Variants in TNPO3 observed in about 807,000 individuals in gnomAD.
The protein encoded by TNPO3 is transportin 3, also known as transportin-3.
TNPO3 carries 65 observed loss-of-function variants against 122.8 expected under a neutral mutation model. The ratio of observed to expected loss-of-function variants is 0.53; its 90% CI spans 0.43 to 0.65. The LOEUF (loss-of-function observed/expected upper bound fraction) is 0.65. Among genes scored for constraint, TNPO3 ranks in the 30% least tolerant of loss-of-function variants. The pLI is 0.00. For synonymous variants in TNPO3, 372 were observed against 411.2 expected, an observed-to-expected ratio of 0.90 and a Z score of 1.15; for missense variants, 850 against 1,136.7, an observed-to-expected ratio of 0.75 and a Z score of 3.63.
At chr7:128,974,306 T>TA (rs1352707467) in intron 18 of TNPO3, among the ~76,000 whole-genome samples, 3 of 146,398 alleles carry the variant, frequency 2.0e-5, no homozygotes, top group Non-Finnish European at 4.5e-5. Context: ...TTTTTTTTTT[T>TA]AATGCTGATA....
At chr7:129,016,909 A>G in intron 3 of TNPO3, 74 bp downstream of exon 3, 1 of 1,275,538 alleles carries the variant, frequency 7.8e-7, no homozygotes, top group South Asian at 1.2e-5. Context: ...ATATCTAGCT[A>G]TTGCTAACAA....
intron 1 of TNPO3, among the ~76,000 whole-genome samples, chr7:129,036,652 A>G (rs1398889623): frequency 2.0e-5 from 3 of 152,186 alleles, no homozygotes; most frequent in African/African-American, 7.2e-5. Context: ...ACAAGTGGAA[A>G]AGTTTAAGGA....
At chr7:128,992,964 T>G (rs1219414347) in intron 9 of TNPO3, among the ~76,000 whole-genome samples, 4 of 150,792 alleles carry the variant, frequency 2.7e-5, no homozygotes, top group Non-Finnish European at 5.9e-5. Flanking sequence ...TGAGCAGAGG[T>G]CATCTGTCTA....
At chr7:129,050,443 AAAAAG>A (rs963019396) in intron 1 of TNPO3, among the ~76,000 whole-genome samples, 2 of 151,990 alleles carry the variant, frequency 1.3e-5, no homozygotes, top group Admixed American at 6.6e-5. Context: ...CTTAAAACAA[AAAAAG>A]AAAAAAGTTT....
At chr7:129,000,731 GATCGT>G (rs1563098933) in intron 6 of TNPO3, among the ~76,000 whole-genome samples, 164 bp from the exon 7 acceptor site, 2 of 152,128 alleles carry the variant, frequency 1.3e-5, no homozygotes, top group Non-Finnish European at 2.9e-5. Context: ...CCTTTACCTA[GATCGT>G]ACACTCCTAC....
chr7:129,000,736 T>A (rs1056200921), intron 6 of TNPO3, among the ~76,000 whole-genome samples, 169 bp from the exon 7 acceptor site: 3 of 152,234 alleles, frequency 2.0e-5, no homozygotes, highest in Non-Finnish European at 4.4e-5. Context: ...ACCTAGATCG[T>A]ACACTCCTAC....
chr7:128,977,052 A>G (rs1388644071), intron 16 of TNPO3, among the ~76,000 whole-genome samples: 1 of 152,250 alleles, frequency 6.6e-6, no homozygotes, highest in African/African-American at 2.4e-5. Context: ...AATTATGGCT[A>G]TAGCTCAGTA....
At chr7:128,990,788 C>T (rs527886231) in intron 10 of TNPO3, among the ~76,000 whole-genome samples, 13 of 152,278 alleles carry the variant, frequency 8.5e-5, no homozygotes, top group Middle Eastern at 3.4e-3. Flanking sequence ...TACTGGCTAA[C>T]GGCCTTTTGA....
At position 129,054,775 on chromosome 7, in the gene TNPO3, G is replaced by A; in HGVS notation, c.-5C>T. 6.2e-7 allele frequency: 1 copy of A among 1,614,040 alleles called. No homozygotes were observed. Among genetic ancestry groups the A allele is most frequent in the Non-Finnish European group, 8.5e-7 (1 of 1,179,966 alleles). ...TGTCGGCTTTGCTCCTTCCATGGTG[G>A]TGGCGGTAGTGGCGGTAGCGACGGC... On this transcript the variant is annotated 5_prime_UTR_variant, in exon 1 of 23. Coordinates refer to ENST00000265388, the MANE Select transcript of TNPO3 (RefSeq NM_012470.4).
chr7:129,016,099 T>C (rs1046748649), intron 3 of TNPO3, among the ~76,000 whole-genome samples: 1 of 151,706 alleles, frequency 6.6e-6, no homozygotes, highest in Non-Finnish European at 1.5e-5. Flanking sequence ...AAAATAAAAA[T>C]AATTTTTAAA....
chr7:128,989,431 A>T (rs1325690047), intron 11 of TNPO3, among the ~76,000 whole-genome samples: 1 of 152,168 alleles, frequency 6.6e-6, no homozygotes, highest in Non-Finnish European at 1.5e-5. Context: ...AGAATAAATC[A>T]TTTCTAACTT....
chr7:129,028,975 A>C, intron 1 of TNPO3: 5 of 444,082 alleles, frequency 1.1e-5, no homozygotes, highest in Admixed American at 1.0e-4. Flanking sequence ...TGGACCAAAA[A>C]ATTAATGAAT....
At chr7:128,982,212 TAACCCA>T in intron 14 of TNPO3, 30 bp downstream of exon 14, 1 of 1,576,932 alleles carries the variant, frequency 6.3e-7, no homozygotes, top group African/African-American at 1.3e-5. Context: ...TTTGAGCCTT[TAACCCA>T]AGTAAGGCAT....
chr7:128,996,984 C>T (rs1019611434), intron 8 of TNPO3, among the ~76,000 whole-genome samples: 2 of 151,766 alleles, frequency 1.3e-5, no homozygotes, highest in African/African-American at 4.8e-5. Context: ...AGATATACTC[C>T]CAGGAAAAGA....
At chr7:128,995,374 C>T (rs1000319767) in intron 8 of TNPO3, among the ~76,000 whole-genome samples, 5 of 152,104 alleles carry the variant, frequency 3.3e-5, no homozygotes, top group Admixed American at 6.5e-5. Flanking sequence ...GAATCTTGGG[C>T]CCAAATACCT....
intron 10 of TNPO3, among the ~76,000 whole-genome samples, chr7:128,991,448 G>A (rs1017622424): frequency 3.3e-5 from 5 of 152,086 alleles, no homozygotes; most frequent in African/African-American, 7.2e-5. Context: ...CTAGGGCTTC[G>A]TGTCATAAAT....
intron 12 of TNPO3, 51 bp downstream of exon 12, chr7:128,986,678 C>A: frequency 1.3e-6 from 2 of 1,506,136 alleles, no homozygotes; most frequent in Non-Finnish European, 9.0e-7. Flanking sequence ...GTAAGATTAC[C>A]CCAGGTAGTG....
At chr7:129,049,695 G>A (rs1264770677) in intron 1 of TNPO3, among the ~76,000 whole-genome samples, 1 of 152,094 alleles carries the variant, frequency 6.6e-6, no homozygotes, top group Non-Finnish European at 1.5e-5. Context: ...TAAAGACAAA[G>A]AAAATGGAAA....
intron 21 of TNPO3, among the ~76,000 whole-genome samples, chr7:128,958,257 C>T (rs1797099431): frequency 6.7e-6 from 1 of 149,606 alleles, no homozygotes; most frequent in African/African-American, 2.5e-5. Flanking sequence ...GATTCTCCTG[C>T]CTCAGCCTCC....
Sources: gnomAD v4.1 joint callset for allele counts (sites outside exome capture counted in the v4.1 genomes callset) on GRCh38, gnomAD v4.1.1 for gene constraint, MANE v1.5 for transcripts, NCBI Gene and HGNC (gene_info 2026-07-23, HGNC 2026-07-21) for gene names.